Variants in KLHL15 observed in about 807,000 individuals in gnomAD.
KLHL15 encodes the protein kelch like family member 15.
In KLHL15, 1 loss-of-function variant was observed where a neutral mutation model predicts 29.3. The observed-to-expected ratio is 0.03, with a 90% confidence interval of 0.01 to 0.16. KLHL15 has a LOEUF of 0.16. Ranked by LOEUF, KLHL15 falls within the 10% of genes least tolerant of loss-of-function variation. The pLI, the probability that KLHL15 is intolerant of heterozygous loss-of-function variation, is 1.00. For missense variants in KLHL15, 215 were observed against 478.5 expected (o/e 0.45, Z 5.14); for synonymous variants, 212 against 184.5 (o/e 1.15, Z -1.21).
rs748503761 is a variant in KLHL15 at position 24,001,938 on chromosome X, C to T, written c.705+4051G>A. Among the ~76,000 whole-genome samples the T allele has an allele frequency of 4.4e-4, 47 of 107,840 alleles. No individual in the cohort carries two copies. In the South Asian group the frequency reaches 0.017, roughly 40 times the overall value. 93.6% of individuals were successfully genotyped at this position (107,840 alleles called of 115,157 possible). A position where few individuals can be genotyped will look rare whatever the true frequency, so the allele number is the denominator to read the frequency against. On this transcript the variant is annotated intron_variant, in intron 3 of 3. Transcript: ENST00000328046. ...CACAAGGTCAGGAGATCGAGACCAT[C>T]CTGGCTAACACAGTGAAACCCCGTC...
At chrX:24,024,483 TCA>T (rs1376243279) in intron 2 of KLHL15, among the ~76,000 whole-genome samples, 4 of 111,910 alleles carry the variant, frequency 3.6e-5, no homozygotes, top group South Asian at 7.4e-4. Flanking sequence ...CGATTTTTTC[TCA>T]GAGTCACCCA....
At chrX:23,989,524 A>G (rs1032347156) in intron 3 of KLHL15, among the ~76,000 whole-genome samples, 3 of 111,297 alleles carry the variant, frequency 2.7e-5, no homozygotes, top group Non-Finnish European at 5.7e-5. Flanking sequence ...CCAAGCTTTT[A>G]AGAGTAAACA....
At chrX:24,006,790 T>C in intron 2 of KLHL15, 90 bp from the exon 3 acceptor site, 1 of 717,106 alleles carries the variant, frequency 1.4e-6, no homozygotes, top group Non-Finnish European at 2.0e-6. Flanking sequence ...TTTGCTATTA[T>C]CTCAATTCTA....
At chrX:24,012,919 T>G (rs1929603492) in intron 2 of KLHL15, among the ~76,000 whole-genome samples, 1 of 111,901 alleles carries the variant, frequency 8.9e-6, no homozygotes, top group Non-Finnish European at 1.9e-5. Context: ...TAACAAATTT[T>G]TATTAGTACT....
At chrX:24,008,889 C>A (rs375947111) in intron 2 of KLHL15, among the ~76,000 whole-genome samples, 3,139 of 88,142 alleles carry the variant, frequency 0.036, 154 homozygotes, top group African/African-American at 0.14. Context: ...AAAAACAAAA[C>A]AAAAAAAAAA....
chrX:24,003,415 T>TGG (rs1034693649), intron 3 of KLHL15, among the ~76,000 whole-genome samples: 1 of 106,145 alleles, frequency 9.4e-6, no homozygotes, highest in African/African-American at 3.4e-5. Flanking sequence ...TAGCCGGGCG[T>TGG]GGTGGCGGGT....
chrX:24,003,562 C>CAAA (rs57011870), intron 3 of KLHL15, among the ~76,000 whole-genome samples: 5 of 64,317 alleles, frequency 7.8e-5, no homozygotes, highest in African/African-American at 2.4e-4. Flanking sequence ...CAAAAAAAAC[C>CAAA]AAAAAAAAAA....
intron 1 of KLHL15, among the ~76,000 whole-genome samples, chrX:24,026,808 C>G (rs918479247): frequency 9.0e-6 from 1 of 111,687 alleles, no homozygotes; most frequent in East Asian, 2.8e-4. Context: ...TAAACTATAA[C>G]AAGCTTTAAA....
At chrX:23,998,575 A>G (rs1169400310) in intron 3 of KLHL15, among the ~76,000 whole-genome samples, 2 of 111,621 alleles carry the variant, frequency 1.8e-5, no homozygotes, top group Admixed American at 1.9e-4. Context: ...GGTTATATTA[A>G]TATTTAGATA....
chrX:23,993,187 A>C (rs746124183), intron 3 of KLHL15, among the ~76,000 whole-genome samples: 1 of 109,156 alleles, frequency 9.2e-6, no homozygotes, highest in South Asian at 4.1e-4. Flanking sequence ...TCGATCTCAA[A>C]ACTAATTTCC....
intron 2 of KLHL15, among the ~76,000 whole-genome samples, chrX:24,021,568 A>G (rs1929804553): frequency 8.9e-6 from 1 of 112,543 alleles, no homozygotes; most frequent in Admixed American, 9.5e-5. Context: ...CACCTAAAAC[A>G]GTGCTTGGCA....
At chrX:24,004,682 C>T (rs943319225) in intron 3 of KLHL15, among the ~76,000 whole-genome samples, 16 of 108,121 alleles carry the variant, frequency 1.5e-4, no homozygotes, top group Middle Eastern at 4.8e-3. Context: ...CCCAGCTACT[C>T]GGGAGGCTGA....
At chrX:24,016,339 C>CAAAAAAA (rs755683770) in intron 2 of KLHL15, among the ~76,000 whole-genome samples, 23 of 21,687 alleles carry the variant, frequency 1.1e-3, no homozygotes, top group African/African-American at 3.2e-3. Flanking sequence ...GACTCTGTCT[C>CAAAAAAA]AAAAAAAAAA....
At position 24,019,359 on chromosome X, in the gene KLHL15, G is replaced by C. The variant is rs942880466; in HGVS notation, c.-8+5498C>G. On this transcript the variant is annotated intron_variant, in intron 2 of 3. Transcript: ENST00000328046. The stretch of plus-strand genomic sequence containing the variant: ...GCAACCTCTGCTCCGGGGTTCAAGC[G>C]ATTCTCCTGCCTCAGCCTCCTGAGT... Among the ~76,000 whole-genome samples, 5 of 111,182 alleles carry C rather than the reference G, an allele frequency of 4.5e-5. No homozygotes were observed. In the Admixed American group the frequency reaches 4.8e-4, roughly 11 times the overall value.
intron 2 of KLHL15, among the ~76,000 whole-genome samples, chrX:24,022,789 G>A (rs1929839567): frequency 9.5e-6 from 1 of 105,138 alleles, no homozygotes; most frequent in Admixed American, 1.0e-4. Flanking sequence ...CCGCCATCTT[G>A]GATTACCGCA....
At chrX:24,007,866 T>C (rs898931834) in intron 2 of KLHL15, among the ~76,000 whole-genome samples, 2 of 110,215 alleles carry the variant, frequency 1.8e-5, no homozygotes, top group African/African-American at 6.6e-5. Context: ...CAATAAATTA[T>C]CAATTTAAAA....
At chrX:23,998,204 G>A (rs1040088665) in intron 3 of KLHL15, among the ~76,000 whole-genome samples, 7 of 110,936 alleles carry the variant, frequency 6.3e-5, no homozygotes, top group African/African-American at 2.3e-4. Flanking sequence ...CTTGTGATCC[G>A]CCCGCCTTGG....
At chrX:24,017,814 C>G (rs1929721135) in intron 2 of KLHL15, among the ~76,000 whole-genome samples, 1 of 100,024 alleles carries the variant, frequency 1.0e-5, no homozygotes. Context: ...AAATTGTGTA[C>G]ATAATTCTTT....
intron 2 of KLHL15, among the ~76,000 whole-genome samples, chrX:24,015,954 G>C (rs917593464): frequency 1.0e-4 from 11 of 110,433 alleles, no homozygotes; most frequent in African/African-American, 3.6e-4. Flanking sequence ...AGCCGAGATC[G>C]GGCCGCTGCA....
Sources: allele counts gnomAD v4.1 joint callset (sites outside exome capture counted in the v4.1 genomes callset), GRCh38; gene constraint gnomAD v4.1.1; transcripts MANE v1.5; gene names NCBI Gene and HGNC (gene_info 2026-07-23, HGNC 2026-07-21).